The following SUPT3H variants were observed in gnomAD, a reference collection of about 807,000 sequenced individuals.
The protein encoded by SUPT3H is transcription initiation protein SPT3 homolog.
SUPT3H carries 44 observed loss-of-function variants against 44.3 expected under a neutral mutation model. That is an observed-to-expected ratio of 0.99 (90% CI 0.78 to 1.28). SUPT3H has a LOEUF of 1.28. Among genes scored for constraint, SUPT3H ranks in the 50% most tolerant of loss-of-function variants. The probability of loss-of-function intolerance (pLI) is 0.00; values close to 1 mark genes in which losing one functional copy is unlikely to be tolerated. For missense variants in SUPT3H, 380 were observed against 387.1 expected, an observed-to-expected ratio of 0.98 and a Z score of 0.15; for synonymous variants, 124 against 125.6, an observed-to-expected ratio of 0.99 and a Z score of 0.09.
intron 2 of SUPT3H, among the ~76,000 whole-genome samples, chr6:45,346,568 T>A: frequency 4.1e-5 from 1 of 24,204 alleles, no homozygotes; most frequent in Admixed American, 4.8e-4. Flanking sequence ...TAAACATTTC[T>A]TTTTTTTTTT....
chr6:45,132,473 A>C (rs1006245104), intron 2 of SUPT3H, among the ~76,000 whole-genome samples: 5 of 152,180 alleles, frequency 3.3e-5, no homozygotes, highest in Non-Finnish European at 2.9e-5. Flanking sequence ...TAGAAGAGCA[A>C]ATCTCTTTCT....
chr6:45,191,411 G>A (rs906946233), intron 2 of SUPT3H, among the ~76,000 whole-genome samples: 3 of 152,050 alleles, frequency 2.0e-5, no homozygotes, highest in Admixed American at 6.6e-5. Flanking sequence ...GAAATTCAGA[G>A]GGAAGGAGGG....
chr6:45,170,196 G>A (rs550975782), intron 2 of SUPT3H, among the ~76,000 whole-genome samples: 1 of 152,318 alleles, frequency 6.6e-6, no homozygotes, highest in African/African-American at 2.4e-5. Flanking sequence ...TAGTTACAGA[G>A]ATGTTATTAT....
intron 10 of SUPT3H, among the ~76,000 whole-genome samples, chr6:44,879,432 G>A (rs532782783): frequency 2.6e-5 from 4 of 152,214 alleles, no homozygotes; most frequent in African/African-American, 9.6e-5. Flanking sequence ...CCAGTCAGGG[G>A]CTTACAGATA....
intron 2 of SUPT3H, among the ~76,000 whole-genome samples, chr6:45,115,122 C>A (rs13199786): frequency 6.6e-6 from 1 of 152,082 alleles, no homozygotes; most frequent in Non-Finnish European, 1.5e-5. Context: ...ACTTTTCTCA[C>A]CTATCATTTA....
At position 45,048,221 on chromosome 6, in the gene SUPT3H, C is replaced by CTTT. The variant is rs67557043; in HGVS notation, c.187-27592_187-27590dup. ...TCATTTTGTAAGTTGTCTCTCTACT[C>CTTT]TTTTTTTTTTTTTTTTTTTTTTTTT... On this transcript the variant is annotated intron_variant, in intron 3 of 10. Coordinates refer to ENST00000371459, the MANE Select transcript of SUPT3H (RefSeq NM_003599.4). 9.3e-4 allele frequency among the ~76,000 whole-genome samples: 82 copies of CTTT among 88,096 alleles called. 1 individual carries two copies. The highest frequency in any genetic ancestry group is 4.0e-3 in the African/African-American group (64 of 16,090). 57.8% of individuals were successfully genotyped at this position (88,096 alleles called of 152,430 possible). A position where few individuals can be genotyped will look rare whatever the true frequency, so the allele number is the denominator to read the frequency against.
rs145422757 is a variant in SUPT3H at position 45,215,148 on chromosome 6, A to C, written c.102-109142T>G. 4.4e-3 allele frequency among the ~76,000 whole-genome samples: 672 copies of C among 152,282 alleles called. 4 individuals carry two copies. The highest frequency in any genetic ancestry group is 0.016 in the African/African-American group (645 of 41,558). On this transcript the variant is annotated intron_variant, in intron 2 of 10. Coordinates refer to ENST00000371459, the MANE Select transcript of SUPT3H (RefSeq NM_003599.4). ...TGCACTAACTCAGAACCAAAAATCA[A>C]AGCCTACTCAACCAACATGATAGGA...
intron 6 of SUPT3H, among the ~76,000 whole-genome samples, chr6:44,977,070 CAGGCCTAGTTCATA>C (rs1472448192): frequency 6.6e-6 from 1 of 152,146 alleles, no homozygotes; most frequent in Admixed American, 6.5e-5. Flanking sequence ...CAGTGGCCAC[CAGGCCTAGTTCATA>C]AGCAAGAAGC....
chr6:44,921,699 G>A (rs1266360679), intron 10 of SUPT3H, among the ~76,000 whole-genome samples: 1 of 152,048 alleles, frequency 6.6e-6, no homozygotes, highest in Admixed American at 6.5e-5. Context: ...TGGGTTTTTG[G>A]GTTAGATCAG....
intron 3 of SUPT3H, among the ~76,000 whole-genome samples, chr6:45,068,810 A>G (rs1188802469): frequency 1.3e-5 from 2 of 152,086 alleles, no homozygotes; most frequent in African/African-American, 4.8e-5. Context: ...ACATGTTGCC[A>G]CACTTTAACC....
Position 44,892,866 on chromosome 6 carries a change from A to C in SUPT3H, c.912+39787T>G, listed in dbSNP as rs1763520008. ...ACCCTGAGCCAAGTGTTAGCAGCCAAAATTATAATTACTTTCCTTCCACTA... is the reference window on the plus strand; with the variant it reads ...ACCCTGAGCCAAGTGTTAGCAGCCACAATTATAATTACTTTCCTTCCACTA... On this transcript the variant is annotated intron_variant, in intron 10 of 10. Coordinates refer to ENST00000371459, the MANE Select transcript of SUPT3H (RefSeq NM_003599.4). Among the ~76,000 whole-genome samples the C allele has an allele frequency of 2.0e-5, 3 of 152,124 alleles. No homozygotes were observed. The South Asian group carries it at 6.2e-4, about 32-fold the overall frequency.
chr6:44,947,856 T>C (rs895554749), intron 9 of SUPT3H, among the ~76,000 whole-genome samples: 3 of 152,280 alleles, frequency 2.0e-5, no homozygotes, highest in Non-Finnish European at 4.4e-5. Flanking sequence ...ACCAGATTAA[T>C]AGAACTAAAT....
At chr6:44,826,525 A>G (rs1195909131), downstream of SUPT3H, among the ~76,000 whole-genome samples, 2 of 152,190 alleles carry the variant, frequency 1.3e-5, no homozygotes, top group Non-Finnish European at 2.9e-5. Flanking sequence ...AGATGTATAC[A>G]TGGTTGATGG....
downstream of SUPT3H, among the ~76,000 whole-genome samples, chr6:44,825,860 A>C (rs1767707435): frequency 6.6e-6 from 1 of 152,156 alleles, no homozygotes; most frequent in Non-Finnish European, 1.5e-5. Context: ...AGTAGTGATG[A>C]GCAGAAAAGG....
intron 10 of SUPT3H, among the ~76,000 whole-genome samples, chr6:44,929,659 G>A (rs776388747): frequency 2.6e-5 from 4 of 152,106 alleles, no homozygotes; most frequent in Non-Finnish European, 5.9e-5. Context: ...AAGCCAAGGT[G>A]GCAAAGTGTC....
At chr6:45,189,309 C>T (rs1330382038) in intron 2 of SUPT3H, among the ~76,000 whole-genome samples, 2 of 151,954 alleles carry the variant, frequency 1.3e-5, no homozygotes, top group African/African-American at 4.8e-5. Context: ...TCACAAGGTT[C>T]AAAGTTTTAA....
chr6:44,951,218 G>A (rs1774252333), intron 9 of SUPT3H, among the ~76,000 whole-genome samples: 1 of 146,844 alleles, frequency 6.8e-6, no homozygotes, highest in East Asian at 2.0e-4. Flanking sequence ...TAAAGTCTTT[G>A]ACTGCAACTA....
chr6:45,302,555 A>G (rs1436773497), intron 2 of SUPT3H, among the ~76,000 whole-genome samples: 1 of 94,870 alleles, frequency 1.1e-5, no homozygotes, highest in African/African-American at 3.9e-5. Context: ...ATATATATAT[A>G]TGCATGCCAC....
intron 3 of SUPT3H, among the ~76,000 whole-genome samples, chr6:45,040,910 T>C (rs72867470): frequency 0.015 from 2,224 of 152,292 alleles, 27 homozygotes; most frequent in South Asian, 0.029. Context: ...GACCCCAAGC[T>C]CTCAATGAGC....
Sources: allele counts gnomAD v4.1 joint callset (sites outside exome capture counted in the v4.1 genomes callset), GRCh38; gene constraint gnomAD v4.1.1; transcripts MANE v1.5; gene names NCBI Gene and HGNC (gene_info 2026-07-23, HGNC 2026-07-21).